The following DDA1 variants were observed in gnomAD, a reference collection of about 807,000 sequenced individuals.
DDA1 encodes the protein DET1- and DDB1-associated protein 1.
Under a neutral mutation model 18.6 loss-of-function variants are expected in DDA1, and 3 were observed. That is an observed-to-expected ratio of 0.16 (90% confidence interval 0.07 to 0.42). The LOEUF (loss-of-function observed/expected upper bound fraction) is 0.42. DDA1 is among the 10% of genes least tolerant of loss of function. DDA1 has a pLI of 0.99. For missense variants in DDA1, 105 were observed against 138.2 expected (o/e 0.76, Z 1.20); for synonymous variants, 52 against 54.0 (o/e 0.96, Z 0.17).
chr19:17,315,134 C>CACGT (rs1294821504), intron 3 of DDA1, among the ~76,000 whole-genome samples: 2 of 85,148 alleles, frequency 2.3e-5, no homozygotes, highest in African/African-American at 1.8e-4. Flanking sequence ...TATATACACA[C>CACGT]ATATATATAC....
intron 1 of DDA1, among the ~76,000 whole-genome samples, chr19:17,313,323 G>A (rs1401921656): frequency 6.6e-6 from 1 of 151,762 alleles, no homozygotes; most frequent in African/African-American, 2.4e-5. Context: ...ATCATACATA[G>A]TGAGCTCAGG....
chr19:17,315,336 TATATATATACAC>T (rs1455000302), intron 3 of DDA1, among the ~76,000 whole-genome samples: 526 of 50,418 alleles, frequency 0.01, 5 homozygotes, highest in Non-Finnish European at 0.016. Flanking sequence ...TATACACACG[TATATATATACAC>T]GCTATATATA....
rs371675304 is a variant in DDA1 at position 17,314,112 on chromosome 19, G to A, written c.84+9G>A. The A allele has an allele frequency of 2.4e-5, 39 of 1,613,628 alleles. No individual in the cohort carries two copies. Among genetic ancestry groups the A allele is most frequent in the Admixed American group, 6.7e-5 (4 of 60,018 alleles). ...CCGTGTGCAAAGCCTCGGTGAGTGC[G>A]TGTTCCTGGGACTGGGAGGAATTGG... On this transcript the variant is annotated intron_variant, in intron 2 of 4. Transcript: ENST00000359866. The surrounding 1 kb of genome is among the most constrained non-coding windows in gnomAD (Gnocchi z 4.6).
At chr19:17,311,976 CTTCA>C (rs1397815673) in intron 1 of DDA1, among the ~76,000 whole-genome samples, 3 of 152,168 alleles carry the variant, frequency 2.0e-5, no homozygotes, top group Admixed American at 2.0e-4. Flanking sequence ...CGTACCCTGC[CTTCA>C]TTCATTTGTC....
Position 17,315,917 on chromosome 19 carries a change from C to G in DDA1, c.137-17C>G. The G allele has an allele frequency of 6.2e-7, 1 of 1,614,006 alleles. No homozygotes were observed. Among genetic ancestry groups the G allele is most frequent in the Non-Finnish European group, 8.5e-7 (1 of 1,179,928 alleles). On this transcript the variant is annotated splice_polypyrimidine_tract_variant and intron_variant, in intron 3 of 4. Transcript: ENST00000359866. ...GGAGGGGAGGCGTCTGCGACTTTCT[C>G]TATCTTTCCTCCTTAGTCATCGTGA...
At chr19:17,313,591 C>T (rs537974667) in intron 1 of DDA1, among the ~76,000 whole-genome samples, 62 of 151,914 alleles carry the variant, frequency 4.1e-4, no homozygotes, top group Non-Finnish European at 7.4e-4. Context: ...CATAGGCGCG[C>T]ACCACCACGC....
chr19:17,315,098 TACACAC>T (rs1568353458), intron 3 of DDA1, among the ~76,000 whole-genome samples: 5 of 131,386 alleles, frequency 3.8e-5, no homozygotes, highest in African/African-American at 1.6e-4. Context: ...TACGTATATA[TACACAC>T]ATATATATAC....
chr19:17,313,388 A>G (rs927554413), intron 1 of DDA1, among the ~76,000 whole-genome samples: 27 of 147,216 alleles, frequency 1.8e-4, no homozygotes, highest in African/African-American at 5.8e-4. Context: ...CAGTCCCACC[A>G]CTGGCCCACT....
intron 1 of DDA1, among the ~76,000 whole-genome samples, chr19:17,310,425 C>T (rs2074173891): frequency 6.6e-6 from 1 of 152,192 alleles, no homozygotes; most frequent in African/African-American, 2.4e-5. Flanking sequence ...CAGGGTTCCT[C>T]AGTCATCCTG....
chr19:17,315,128 TAC>T (rs1555722579), intron 3 of DDA1, among the ~76,000 whole-genome samples: 1 of 87,432 alleles, frequency 1.1e-5, no homozygotes, highest in South Asian at 2.7e-4. Flanking sequence ...CACGTATATA[TAC>T]ACACATATAT....
At chr19:17,312,871 T>G (rs1460967589) in intron 1 of DDA1, among the ~76,000 whole-genome samples, 1 of 151,980 alleles carries the variant, frequency 6.6e-6, no homozygotes, top group African/African-American at 2.4e-5. Context: ...TTGAGGGACT[T>G]TGAACAGGTC....
intron 4 of DDA1, among the ~76,000 whole-genome samples, chr19:17,316,320 G>A (rs2074212576): frequency 6.6e-6 from 1 of 152,228 alleles, no homozygotes; most frequent in South Asian, 2.1e-4. Context: ...GGTGACGCAT[G>A]CCTGTAGTCC....
At chr19:17,315,254 CG>C (rs1454818859) in intron 3 of DDA1, among the ~76,000 whole-genome samples, 1 of 68,746 alleles carries the variant, frequency 1.5e-5, no homozygotes, top group Non-Finnish European at 3.1e-5. Context: ...TATACACACA[CG>C]TGTATATACA....
At chr19:17,316,077 G>A in intron 4 of DDA1, 82 bp downstream of exon 4, 5 of 1,488,534 alleles carry the variant, frequency 3.4e-6, no homozygotes, top group Non-Finnish European at 4.7e-6. Flanking sequence ...GCACAGGAAG[G>A]ACTCTAGTGA....
Position 17,314,010 on chromosome 19 carries a change from C to G in DDA1, c.4-13C>G, listed in dbSNP as rs760139987. 4 of 1,612,666 alleles carry G rather than the reference C, an allele frequency of 2.5e-6. No individual in the cohort carries two copies. Among genetic ancestry groups the G allele is most frequent in the East Asian group, 2.2e-5 (1 of 44,830 alleles). On this transcript the variant is annotated splice_polypyrimidine_tract_variant and intron_variant, in intron 1 of 4. Coordinates refer to ENST00000359866, the MANE Select transcript of DDA1 (RefSeq NM_024050.6). This position sits in a 1 kb window ranked among gnomAD's most constrained non-coding sequence, Gnocchi z 4.6. ...TGCCTGTTTTCTCATGTACCATCTT[C>G]CATGTCTTCTAGGCAGATTTTTTGA... is the stretch of plus-strand genomic sequence containing the variant.
At chr19:17,312,904 T>G (rs1056227457) in intron 1 of DDA1, among the ~76,000 whole-genome samples, 28 of 148,432 alleles carry the variant, frequency 1.9e-4, no homozygotes, top group African/African-American at 5.9e-4. Flanking sequence ...GTCATCCAGA[T>G]GTGACGGCTG....
rs1232693348 is a variant in DDA1, at chr19:17,314,515, G to A, written c.136+126G>A. On this transcript the variant is annotated intron_variant, in intron 3 of 4. Transcript: ENST00000359866. This position sits in a 1 kb window ranked among gnomAD's most constrained non-coding sequence, Gnocchi z 4.6. ...CCATAGACTTGGCTTGGGTTCACACGCTGTCTACTGAATCCAGTTAAGTCA... is the reference window on the plus strand; with the variant it reads ...CCATAGACTTGGCTTGGGTTCACACACTGTCTACTGAATCCAGTTAAGTCA... The A allele has an allele frequency of 4.7e-6, 6 of 1,274,386 alleles. No individual in the cohort carries two copies. Among genetic ancestry groups the A allele is most frequent in the South Asian group, 3.9e-5 (3 of 76,454 alleles). The allele number at this position is 1,274,386 out of a possible 1,614,324, so 78.9% of individuals were successfully genotyped here.
At position 17,309,625 on chromosome 19, in the gene DDA1, C is replaced by T. The variant is rs373202633; in HGVS notation, c.-30C>T. 2.5e-6 allele frequency: 4 copies of T among 1,611,358 alleles called. No individual in the cohort carries two copies. The highest frequency in any genetic ancestry group is 2.7e-5 in the African/African-American group (2 of 74,824). On this transcript the variant is annotated 5_prime_UTR_variant, in exon 1 of 5. Coordinates refer to ENST00000359866, the MANE Select transcript of DDA1 (RefSeq NM_024050.6). The stretch of plus-strand genomic sequence containing the variant: ...GTGGCGGCGGTGGAGGCTGAGGCGG[C>T]GGCCGAGGCGGCGACGGAGGAAACA...
chr19:17,318,858 A>G (rs1005979479), intron 4 of DDA1, among the ~76,000 whole-genome samples: 3 of 150,122 alleles, frequency 2.0e-5, no homozygotes, highest in African/African-American at 7.4e-5. Context: ...TTTACCTAAC[A>G]TTGAACAGTG....
Sources: allele counts gnomAD v4.1 joint callset (sites outside exome capture counted in the v4.1 genomes callset), GRCh38; gene constraint gnomAD v4.1.1; non-coding constraint Gnocchi (gnomAD v3.1); transcripts MANE v1.5; gene names NCBI Gene and HGNC (gene_info 2026-07-23, HGNC 2026-07-21).